GRAMD1B: variants seen among roughly 807,000 people sequenced by gnomAD.
GRAMD1B encodes the protein protein Aster-B.
GRAMD1B carries 37 observed loss-of-function variants against 99.7 expected under a neutral mutation model. The observed-to-expected ratio is 0.37, with a 90% CI of 0.29 to 0.49. GRAMD1B has a LOEUF of 0.49. GRAMD1B is among the 20% of genes least tolerant of loss of function. The pLI, the probability that GRAMD1B is intolerant of heterozygous loss-of-function variation, is 0.98. For missense variants in GRAMD1B, 888 were observed against 1,009.2 expected, an observed-to-expected ratio of 0.88 and a Z score of 1.63; for synonymous variants, 427 against 387.6, an observed-to-expected ratio of 1.10 and a Z score of -1.19.
chr11:123,365,453 T>C (rs1238194222), intron 1 of GRAMD1B, among the ~76,000 whole-genome samples: 1 of 152,228 alleles, frequency 6.6e-6, no homozygotes, highest in Non-Finnish European at 1.5e-5. Flanking sequence ...GGTTTCGCCA[T>C]GTTGGCCAGG....
At chr11:123,379,719 A>G (rs1469269141) in intron 1 of GRAMD1B, among the ~76,000 whole-genome samples, 3 of 152,242 alleles carry the variant, frequency 2.0e-5, no homozygotes, top group Non-Finnish European at 4.4e-5. Flanking sequence ...ACTGGGTCAT[A>G]TAGTAACTGT....
Position 123,396,193 on chromosome 11 carries a change from T to C in GRAMD1B, c.-176+37394T>C, listed in dbSNP as rs570698647. ...GCATTTTTTTCTTTTTTCTTTTCTT[T>C]TCTTTCCTTTTTTTTTTTTAGATGG... On this transcript the variant is annotated intron_variant, in intron 1 of 20. Coordinates refer to the GRAMD1B transcript ENST00000638157. 3.2e-4 allele frequency among the ~76,000 whole-genome samples: 47 copies of C among 146,814 alleles called. 1 individual carries two copies. The South Asian group carries it at 8.8e-3, about 27-fold the overall frequency.
At chr11:123,438,757 G>C (rs995119943) in intron 1 of GRAMD1B, among the ~76,000 whole-genome samples, 2 of 152,220 alleles carry the variant, frequency 1.3e-5, no homozygotes, top group Admixed American at 6.5e-5. Flanking sequence ...TTCTGTCCTA[G>C]TTGGTGCATT....
chr11:123,429,185 T>C (rs1381797324), upstream of GRAMD1B, among the ~76,000 whole-genome samples: 1 of 152,078 alleles, frequency 6.6e-6, no homozygotes, highest in Non-Finnish European at 1.5e-5. This position sits in a 1 kb window ranked among gnomAD's most constrained non-coding sequence, Gnocchi z 4.0. Context: ...AGAGTGAGAC[T>C]TTGTCTCTTA....
chr11:123,568,211 C>T (rs534811188), intron 2 of GRAMD1B, among the ~76,000 whole-genome samples: 37 of 152,158 alleles, frequency 2.4e-4, no homozygotes, highest in African/African-American at 8.2e-4. Context: ...ATTATCTACA[C>T]AGTATTTACA....
chr11:123,567,026 C>G (rs1288336425), intron 2 of GRAMD1B, among the ~76,000 whole-genome samples: 4 of 152,146 alleles, frequency 2.6e-5, no homozygotes, highest in African/African-American at 9.7e-5. Flanking sequence ...GTTAGGAAGG[C>G]CACTTTATAT....
chr11:123,422,909 AATT>A (rs1948503118), intron 1 of GRAMD1B, among the ~76,000 whole-genome samples: 2 of 149,964 alleles, frequency 1.3e-5, no homozygotes, highest in South Asian at 2.1e-4. Context: ...AAATTTACCA[AATT>A]GTAGTTCTTG....
At chr11:123,465,002 A>G (rs1484465738) in intron 1 of GRAMD1B, among the ~76,000 whole-genome samples, 1 of 152,046 alleles carries the variant, frequency 6.6e-6, no homozygotes, top group Non-Finnish European at 1.5e-5. Flanking sequence ...CTAGGGAGGT[A>G]GGGTTTTGGT....
At chr11:123,387,910 G>A (rs993576850) in intron 1 of GRAMD1B, among the ~76,000 whole-genome samples, 12 of 151,884 alleles carry the variant, frequency 7.9e-5, no homozygotes, top group Admixed American at 5.2e-4. Flanking sequence ...GATCATCTGA[G>A]GTCAGGAGTT....
chr11:123,575,696 C>T (rs1204755119), intron 2 of GRAMD1B, among the ~76,000 whole-genome samples: 1 of 152,280 alleles, frequency 6.6e-6, no homozygotes, highest in East Asian at 1.9e-4. Flanking sequence ...ATGGATCTGC[C>T]TGCCACCAGC....
chr11:123,613,805 C>T, intron 16 of GRAMD1B, 147 bp downstream of exon 16: 1 of 637,784 alleles, frequency 1.6e-6, no homozygotes, highest in Non-Finnish European at 2.8e-6. Context: ...TCTGAGGCTC[C>T]CAATGCTCTG....
chr11:123,562,014 C>T (rs1207225150), intron 2 of GRAMD1B, among the ~76,000 whole-genome samples: 1 of 152,108 alleles, frequency 6.6e-6, no homozygotes, highest in Non-Finnish European at 1.5e-5. Flanking sequence ...AAAACAATCA[C>T]TTGTGGAAAG....
At chr11:123,445,207 G>A (rs1170348526) in intron 1 of GRAMD1B, among the ~76,000 whole-genome samples, 1 of 152,180 alleles carries the variant, frequency 6.6e-6, no homozygotes, top group African/African-American at 2.4e-5. Flanking sequence ...AGTGTTGTCA[G>A]GTATTTCTGC....
chr11:123,462,611 G>A (rs1202583385), intron 1 of GRAMD1B, among the ~76,000 whole-genome samples: 4 of 152,156 alleles, frequency 2.6e-5, no homozygotes, highest in African/African-American at 7.2e-5. Context: ...GTGTGCTTAA[G>A]GTGAAAGAAT....
intron 2 of GRAMD1B, among the ~76,000 whole-genome samples, chr11:123,572,229 G>A (rs1012349077): frequency 6.6e-6 from 1 of 152,192 alleles, no homozygotes; most frequent in African/African-American, 2.4e-5. Flanking sequence ...GGGAGTCTTA[G>A]TCCCATAGCC....
chr11:123,494,677 C>T (rs886085032), intron 2 of GRAMD1B, among the ~76,000 whole-genome samples: 1 of 152,160 alleles, frequency 6.6e-6, no homozygotes, highest in Admixed American at 6.5e-5. Flanking sequence ...GCAAACTCCT[C>T]TTATCTTTGC....
At chr11:123,611,160 C>T (rs1283243548) in intron 14 of GRAMD1B, among the ~76,000 whole-genome samples, 1 of 152,102 alleles carries the variant, frequency 6.6e-6, no homozygotes, top group Non-Finnish European at 1.5e-5. Flanking sequence ...TCAAGAGGGA[C>T]CTTTGTGCTT....
rs1262264885 is a variant in GRAMD1B, at chr11:123,431,072, A to C, written c.280A>C (p.Asn94His). The C allele has an allele frequency of 1.1e-5, 8 of 702,910 alleles. No individual in the cohort carries two copies. Among genetic ancestry groups the C allele is most frequent in the Non-Finnish European group, 1.8e-5 (7 of 384,954 alleles). 43.5% of individuals were successfully genotyped at this position (702,910 alleles called of 1,614,324 possible). The change falls in exon 1 of 20, where the codon AAC (asparagine) becomes CAC (histidine). Residue 94 changes from asparagine to histidine, a missense_variant. Physicochemically the swap from Asn to His is moderately conservative, Grantham distance 68. Coordinates refer to ENST00000635736, the MANE Select transcript of GRAMD1B (RefSeq NM_001387025.1). ...PSSDEDTPWS[N>H]CSTPSASPRR... ...CAGCGACGAGGACACCCCGTGGTCCAACTGCTCCACACCCAGCGCGTCCCC... is the reference window on the plus strand; with the variant it reads ...CAGCGACGAGGACACCCCGTGGTCCCACTGCTCCACACCCAGCGCGTCCCC...
chr11:123,616,743 C>T (rs190436218), intron 17 of GRAMD1B, among the ~76,000 whole-genome samples: 9 of 152,346 alleles, frequency 5.9e-5, no homozygotes, highest in Admixed American at 1.3e-4. Flanking sequence ...TTCTCTATTT[C>T]GACAACTGCG....
Sources: allele counts gnomAD v4.1 joint callset (sites outside exome capture counted in the v4.1 genomes callset), GRCh38; gene constraint gnomAD v4.1.1; non-coding constraint Gnocchi (gnomAD v3.1); transcripts MANE v1.5; gene names NCBI Gene and HGNC (gene_info 2026-07-23, HGNC 2026-07-21).